The following PAX7 variants were observed in gnomAD, a reference collection of about 807,000 sequenced individuals.
The protein encoded by PAX7 is paired box protein Pax-7.
A neutral mutation model predicts 50.7 loss-of-function variants in PAX7; 18 were observed. The observed-to-expected ratio is 0.36, with a 90% CI of 0.25 to 0.53. The LOEUF is 0.53. PAX7 is among the 20% of genes least tolerant of loss of function. The pLI, the probability that PAX7 is intolerant of heterozygous loss-of-function variation, is 0.93. For synonymous variants in PAX7, 310 were observed against 290.4 expected, an observed-to-expected ratio of 1.07 and a Z score of -0.69; for missense variants, 644 against 702.9, an observed-to-expected ratio of 0.92 and a Z score of 0.95.
At chr1:18,638,106 C>A (rs900985567) in intron 4 of PAX7, among the ~76,000 whole-genome samples, 4 of 152,252 alleles carry the variant, frequency 2.6e-5, no homozygotes, top group Non-Finnish European at 5.9e-5. Context: ...CAACAAACAA[C>A]TCTTCTGAGG....
chr1:18,671,289 A>G (rs1557520739), intron 4 of PAX7, among the ~76,000 whole-genome samples: 2 of 152,272 alleles, frequency 1.3e-5, no homozygotes, highest in Admixed American at 6.5e-5. Context: ...AAATGAGTGC[A>G]TGAGAGACAG....
chr1:18,733,306 C>G (rs886073111), intron 7 of PAX7, among the ~76,000 whole-genome samples: 1 of 152,174 alleles, frequency 6.6e-6, no homozygotes, highest in Non-Finnish European at 1.5e-5. Context: ...GAAGCACATT[C>G]AACACAGAGC....
chr1:18,726,014 G>A lies in PAX7; in HGVS notation c.1156-9618G>A, dbSNP rs577995400. 1.6e-4 allele frequency among the ~76,000 whole-genome samples: 24 copies of A among 150,472 alleles called. No individual in the cohort carries two copies. The South Asian group carries it at 2.4e-3, about 15-fold the overall frequency. On this transcript the variant is annotated intron_variant, in intron 7 of 8. Transcript: ENST00000420770. This position sits in a 1 kb window ranked among gnomAD's most constrained non-coding sequence, Gnocchi z 4.8. ...TGTGTGCGCGCGCGCGCGTGCGCGC[G>A]TGTGTGTGCGTGTGTTTGTGTGTGT...
intron 8 of PAX7, among the ~76,000 whole-genome samples, chr1:18,744,449 TGGA>T (rs1931313147): frequency 6.7e-6 from 1 of 149,358 alleles, no homozygotes; most frequent in Non-Finnish European, 1.5e-5. Flanking sequence ...GATGGATGGA[TGGA>T]TGGATGGATG....
At chr1:18,701,953 C>T (rs1159019703) in intron 6 of PAX7, among the ~76,000 whole-genome samples, 1 of 152,048 alleles carries the variant, frequency 6.6e-6, no homozygotes, top group Admixed American at 6.6e-5. Flanking sequence ...AGAAGGGTTC[C>T]CTCCCCCTAC....
chr1:18,745,705 G>C lies in PAX7; in HGVS notation c.*776G>C, dbSNP rs1323564321. 1 of 231,240 alleles carries C rather than the reference G, an allele frequency of 4.3e-6. No individual in the cohort carries two copies. The highest frequency in any genetic ancestry group is 8.6e-6 in the Non-Finnish European group (1 of 116,848). 14.3% of individuals were successfully genotyped at this position (231,240 alleles called of 1,614,324 possible). ...TACAAGGACCCAACTCAGGCTTCTG[G>C]AAGCAGAGGGCTCTTATCCTGAAGC... On this transcript the variant is annotated 3_prime_UTR_variant, in exon 9 of 9. Transcript: ENST00000420770.
chr1:18,650,668 G>T (rs1379316014), intron 4 of PAX7, among the ~76,000 whole-genome samples: 1 of 152,222 alleles, frequency 6.6e-6, no homozygotes, highest in African/African-American at 2.4e-5. Context: ...CTGGTCTCAT[G>T]CAACACCTTT....
At chr1:18,637,996 T>G (rs903375199) in intron 4 of PAX7, among the ~76,000 whole-genome samples, 2 of 152,242 alleles carry the variant, frequency 1.3e-5, no homozygotes, top group African/African-American at 4.8e-5. Context: ...AGTCCTTATT[T>G]CAGTTCCCAT....
Position 18,700,768 on chromosome 1 carries a change from C to G in PAX7, c.902C>G (p.Pro301Arg). ...CCACCCACCGGCATGCCCACGCTGC[C>G]CCCCTACCAGCTGCCGGACTCCACC... ...GFPPTGMPTLPPYQLPDSTYP... is the reference protein window; with the variant it reads ...GFPPTGMPTLRPYQLPDSTYP... The change falls in exon 6 of 9, where the codon CCC (proline) becomes CGC (arginine). Residue 301 changes from proline to arginine, a missense_variant. Pro to Arg is a moderately radical substitution (Grantham distance 103). Transcript: ENST00000420770. The surrounding 1 kb of genome is among the most constrained non-coding windows in gnomAD (Gnocchi z 4.8). 1 of 1,588,820 alleles carries G rather than the reference C, an allele frequency of 6.3e-7. No individual in the cohort carries two copies. The highest frequency in any genetic ancestry group is 8.6e-7 in the Non-Finnish European group (1 of 1,168,478).
chr1:18,745,278 GA>G lies in PAX7; in HGVS notation c.*350del, dbSNP rs1931385615. 1 of 331,762 alleles carries G rather than the reference GA, an allele frequency of 3.0e-6. No individual in the cohort carries two copies. Among genetic ancestry groups the G allele is most frequent in the Non-Finnish European group, 5.6e-6 (1 of 178,224 alleles). 20.6% of individuals were successfully genotyped at this position (331,762 alleles called of 1,614,324 possible). ...GGGTGTCCAGAGGAGGATGGTGCCTGAGAGGAGGTCCTACAGCCCTTTGGAC... is the reference window on the plus strand; with the variant it reads ...GGGTGTCCAGAGGAGGATGGTGCCTGGAGGAGGTCCTACAGCCCTTTGGAC... On this transcript the variant is annotated 3_prime_UTR_variant, in exon 9 of 9. Coordinates refer to ENST00000420770, the MANE Select transcript of PAX7 (RefSeq NM_001135254.2).
intron 4 of PAX7, among the ~76,000 whole-genome samples, chr1:18,671,144 A>G (rs1005613660): frequency 2.0e-5 from 3 of 152,208 alleles, no homozygotes; most frequent in Non-Finnish European, 4.4e-5. Flanking sequence ...GGAAGGCAGC[A>G]GGACTTGCTT....
At chr1:18,725,328 C>T (rs1234222318) in intron 7 of PAX7, among the ~76,000 whole-genome samples, 2 of 151,394 alleles carry the variant, frequency 1.3e-5, no homozygotes, top group Non-Finnish European at 2.9e-5. Context: ...ACCAACACCG[C>T]CAGGCCAGGG....
rs192882265 is a variant in PAX7, at chr1:18,726,009, C to T, written c.1156-9623C>T. On this transcript the variant is annotated intron_variant, in intron 7 of 8. Coordinates refer to ENST00000420770, the MANE Select transcript of PAX7 (RefSeq NM_001135254.2). This position sits in a 1 kb window ranked among gnomAD's most constrained non-coding sequence, Gnocchi z 4.8. Reference sequence around the variant, plus strand: ...GTGTGTGTGTGCGCGCGCGCGCGTGCGCGCGTGTGTGTGCGTGTGTTTGTG... The same window carrying T: ...GTGTGTGTGTGCGCGCGCGCGCGTGTGCGCGTGTGTGTGCGTGTGTTTGTG... Among the ~76,000 whole-genome samples, 65 of 147,442 alleles carry T rather than the reference C, an allele frequency of 4.4e-4. No homozygotes were observed. The highest frequency in any genetic ancestry group is 8.1e-4 in the Admixed American group (12 of 14,906).
chr1:18,693,906 A>ACTCAAG (rs1277558208), intron 5 of PAX7, among the ~76,000 whole-genome samples: 1 of 152,122 alleles, frequency 6.6e-6, no homozygotes, highest in Admixed American at 6.5e-5. Flanking sequence ...AACAGGTGTC[A>ACTCAAG]CTCAAGGTCC....
intron 4 of PAX7, among the ~76,000 whole-genome samples, chr1:18,675,817 ACTT>A (rs968771691): frequency 3.3e-5 from 5 of 149,954 alleles, no homozygotes; most frequent in Non-Finnish European, 5.9e-5. Context: ...TCTCTCTTTC[ACTT>A]CTTCTCTTGG....
intron 4 of PAX7, among the ~76,000 whole-genome samples, chr1:18,683,427 A>C (rs763818954): frequency 6.6e-6 from 1 of 152,232 alleles, no homozygotes; most frequent in Non-Finnish European, 1.5e-5. Flanking sequence ...TCATCCATTC[A>C]TTCATGCAAC....
In PAX7 at chr1:18,745,516, C is replaced by T. The variant is rs1273567638; in HGVS notation, c.*587C>T. On this transcript the variant is annotated 3_prime_UTR_variant, in exon 9 of 9. Coordinates refer to ENST00000420770, the MANE Select transcript of PAX7 (RefSeq NM_001135254.2). ...GAGTCAGCAGGGGGGCAGTCTCACC[C>T]CCACCCAGGAATTTGAAGGACTTCA... is the stretch of plus-strand genomic sequence containing the variant. 1.7e-5 allele frequency: 4 copies of T among 231,810 alleles called. No individual in the cohort carries two copies. The highest frequency in any genetic ancestry group is 8.9e-5 in the African/African-American group (4 of 45,170). The allele number at this position is 231,810 out of a possible 1,614,324, so 14.4% of individuals were successfully genotyped here.
At chr1:18,698,407 G>A (rs2089175764) in intron 5 of PAX7, among the ~76,000 whole-genome samples, 1 of 151,968 alleles carries the variant, frequency 6.6e-6, no homozygotes. Flanking sequence ...GCACAGGTTA[G>A]AAAGGCACTG....
intron 4 of PAX7, among the ~76,000 whole-genome samples, chr1:18,649,226 G>A (rs190649164): frequency 7.7e-4 from 117 of 152,244 alleles, no homozygotes; most frequent in Non-Finnish European, 1.2e-3. Context: ...GGAGCAAAAC[G>A]GACTGGTGGA....
Sources: gnomAD v4.1 joint callset for allele counts (sites outside exome capture counted in the v4.1 genomes callset) on GRCh38, gnomAD v4.1.1 for gene constraint, Gnocchi (gnomAD v3.1) non-coding constraint, MANE v1.5 for transcripts, NCBI Gene and HGNC (gene_info 2026-07-23, HGNC 2026-07-21) for gene names.